LY86: variants seen among roughly 807,000 people sequenced by gnomAD.
LY86 encodes the protein MD-1, RP105-associated.
Under a neutral mutation model 17.3 loss-of-function variants are expected in LY86, and 20 were observed. The observed-to-expected ratio is 1.15, with a 90% CI of 0.81 to 1.68. The LOEUF (loss-of-function observed/expected upper bound fraction) is 1.68. LY86 is among the 40% of genes most tolerant of loss of function. LY86 has a pLI of 0.00. For synonymous variants in LY86, 74 were observed against 70.6 expected (o/e 1.05, Z -0.24); for missense variants, 200 against 191.9 (o/e 1.04, Z -0.25).
In LY86 at chr6:6,625,554, A is replaced by G. The variant is rs546821168; in HGVS notation, c.223+542A>G. On this transcript the variant is annotated intron_variant, in intron 2 of 4. Transcript: ENST00000230568. ...ATGATCATGCAATTATAGTTGGTCA[A>G]TATATTTTCTATAGCTACTAGACGA... 5.9e-5 allele frequency among the ~76,000 whole-genome samples: 9 copies of G among 152,358 alleles called. No individual in the cohort carries two copies. The South Asian group carries it at 1.7e-3, about 28-fold the overall frequency.
chr6:6,613,761 C>T (rs1488955993), intron 1 of LY86, among the ~76,000 whole-genome samples: 1 of 152,224 alleles, frequency 6.6e-6, no homozygotes, highest in East Asian at 1.9e-4. Context: ...CCGAGGAGGC[C>T]CCAAGAGCGA....
At chr6:6,606,793 C>T (rs755385662) in intron 1 of LY86, among the ~76,000 whole-genome samples, 5 of 152,252 alleles carry the variant, frequency 3.3e-5, no homozygotes, top group African/African-American at 1.2e-4. Flanking sequence ...CCCGGGTTCC[C>T]GCTTACGCCT....
At chr6:6,611,902 T>A (rs1761350193) in intron 1 of LY86, among the ~76,000 whole-genome samples, 1 of 152,072 alleles carries the variant, frequency 6.6e-6, no homozygotes, top group African/African-American at 2.4e-5. Context: ...AAGAAAAAAA[T>A]CAGACTGCTG....
rs184364507 is a variant in LY86 at position 6,605,394 on chromosome 6, A to G, written c.136+16524A>G. ...TGGGGGAGCAGCTGCTTCCAAACTC[A>G]TGTGAGTACATCGCAATGAACAGAC... On this transcript the variant is annotated intron_variant, in intron 1 of 4. Coordinates refer to ENST00000230568, the MANE Select transcript of LY86 (RefSeq NM_004271.4). Among the ~76,000 whole-genome samples, 6 of 152,360 alleles carry G rather than the reference A, an allele frequency of 3.9e-5. No individual in the cohort carries two copies. In the East Asian group the frequency reaches 1.2e-3, roughly 29 times the overall value.
At chr6:6,645,951 G>A (rs907357673) in intron 3 of LY86, among the ~76,000 whole-genome samples, 2 of 152,158 alleles carry the variant, frequency 1.3e-5, no homozygotes, top group Non-Finnish European at 2.9e-5. Flanking sequence ...AGATTGGGAA[G>A]GGGTCTCTTT....
intron 3 of LY86, among the ~76,000 whole-genome samples, chr6:6,634,307 T>C (rs1442386877): frequency 1.3e-5 from 2 of 152,254 alleles, no homozygotes; most frequent in Non-Finnish European, 2.9e-5. Flanking sequence ...AAGAATCCTC[T>C]AGTTGAGAAA....
chr6:6,604,118 G>T (rs921612253), intron 1 of LY86, among the ~76,000 whole-genome samples: 1 of 152,064 alleles, frequency 6.6e-6, no homozygotes, highest in African/African-American at 2.4e-5. Flanking sequence ...TAGGCAGAAG[G>T]AAATATTAAT....
At chr6:6,610,713 CAT>C (rs1561782322) in intron 1 of LY86, among the ~76,000 whole-genome samples, 1 of 152,112 alleles carries the variant, frequency 6.6e-6, no homozygotes, top group Admixed American at 6.5e-5. Context: ...TGTGCATTCT[CAT>C]GTGTGTATTT....
Position 6,621,764 on chromosome 6 carries a change from C to T in LY86, c.137-3162C>T, listed in dbSNP as rs115770273. 2.6e-3 allele frequency among the ~76,000 whole-genome samples: 395 copies of T among 152,248 alleles called. 2 individuals are homozygous for T. Among genetic ancestry groups the T allele is most frequent in the African/African-American group, 9.3e-3 (385 of 41,528 alleles). On this transcript the variant is annotated intron_variant, in intron 1 of 4. Coordinates refer to ENST00000230568, the MANE Select transcript of LY86 (RefSeq NM_004271.4). ...CTACAAATAACCACTACTATTCATCCAGCAAACAATCACTGGAGATTTAGT... is the reference window on the plus strand; with the variant it reads ...CTACAAATAACCACTACTATTCATCTAGCAAACAATCACTGGAGATTTAGT...
At chr6:6,639,512 T>C (rs1382591553) in intron 3 of LY86, among the ~76,000 whole-genome samples, 1 of 152,208 alleles carries the variant, frequency 6.6e-6, no homozygotes, top group Non-Finnish European at 1.5e-5. Context: ...TATCATAGAA[T>C]TGTGTTTCTT....
chr6:6,601,600 G>GAAA, intron 1 of LY86, among the ~76,000 whole-genome samples: 1 of 152,214 alleles, frequency 6.6e-6, no homozygotes, highest in Admixed American at 6.5e-5. Context: ...GGCACCTGTA[G>GAAA]TCCCAGCTAC....
At chr6:6,628,317 T>C in intron 3 of LY86, among the ~76,000 whole-genome samples, 1 of 128,194 alleles carries the variant, frequency 7.8e-6, no homozygotes, top group African/African-American at 2.9e-5. Flanking sequence ...TTCTCTCCCT[T>C]CTCTCCCCCA....
chr6:6,613,528 C>G (rs1035885033), intron 1 of LY86, among the ~76,000 whole-genome samples: 8 of 152,166 alleles, frequency 5.3e-5, no homozygotes, highest in Non-Finnish European at 8.8e-5. Context: ...TGCTGTCAGG[C>G]CGGCCGCTCC....
intron 4 of LY86, 83 bp from the exon 5 acceptor site, chr6:6,654,461 T>C: frequency 2.8e-6 from 3 of 1,065,336 alleles, no homozygotes; most frequent in Non-Finnish European, 4.3e-6. Flanking sequence ...ACCCAGCACA[T>C]AAAAGTTTCT....
intron 3 of LY86, among the ~76,000 whole-genome samples, chr6:6,646,581 C>T (rs1762111419): frequency 6.6e-6 from 1 of 152,144 alleles, no homozygotes; most frequent in African/African-American, 2.4e-5. Flanking sequence ...AATGCCAAGC[C>T]CTCTGCCATG....
intron 3 of LY86, among the ~76,000 whole-genome samples, chr6:6,629,527 C>T (rs542190846): frequency 6.6e-6 from 1 of 152,230 alleles, no homozygotes; most frequent in African/African-American, 2.4e-5. Context: ...CTTAGCAGAG[C>T]GGTGAGAAAA....
At position 6,650,354 on chromosome 6, in the gene LY86, T is replaced by TTTGA. The variant is rs1554126944; in HGVS notation, c.405+677_405+678insTTGA. On this transcript the variant is annotated intron_variant, in intron 4 of 4. Transcript: ENST00000230568. ...CTCAGATAATGGTTTTTTTTTTTTT[T>TTTGA]GAGAGAGTCTTGTTCTGCCTCCCAG... 2.6e-5 allele frequency among the ~76,000 whole-genome samples: 4 copies of TTTGA among 151,336 alleles called. No individual in the cohort carries two copies. The South Asian group carries it at 8.4e-4, about 32-fold the overall frequency.
chr6:6,614,268 AACAC>A (rs1303251746), intron 1 of LY86, among the ~76,000 whole-genome samples: 3 of 152,104 alleles, frequency 2.0e-5, no homozygotes, highest in Non-Finnish European at 2.9e-5. Flanking sequence ...CTGCCTTACA[AACAC>A]AGACCGCAAA....
chr6:6,646,085 A>G (rs568875670), intron 3 of LY86, among the ~76,000 whole-genome samples: 1 of 152,284 alleles, frequency 6.6e-6, no homozygotes, highest in Non-Finnish European at 1.5e-5. Flanking sequence ...TAGGGGCACC[A>G]TTAGCATAGA....
Sources: allele counts gnomAD v4.1 joint callset (sites outside exome capture counted in the v4.1 genomes callset), GRCh38; gene constraint gnomAD v4.1.1; transcripts MANE v1.5; gene names NCBI Gene and HGNC (gene_info 2026-07-23, HGNC 2026-07-21).